EYS: variants seen among roughly 807,000 people sequenced by gnomAD.
EYS encodes the protein protein eyes shut homolog.
A neutral mutation model predicts 282.1 loss-of-function variants in EYS; 250 were observed. The ratio of observed to expected loss-of-function variants is 0.89; its 90% CI spans 0.80 to 0.98. The LOEUF (loss-of-function observed/expected upper bound fraction) is 0.98, where lower values mean the gene tolerates loss of function less well. Among genes scored for constraint, EYS ranks in the 50% least tolerant of loss-of-function variants. The pLI, the probability that EYS is intolerant of heterozygous loss-of-function variation, is 0.00. For synonymous variants in EYS, 1,355 were observed against 1,282.9 expected, an observed-to-expected ratio of 1.06 and a Z score of -1.20; for missense variants, 4,016 against 3,709.0, an observed-to-expected ratio of 1.08 and a Z score of -2.15.
intron 19 of EYS, among the ~76,000 whole-genome samples, chr6:64,856,834 A>C (rs917329083): frequency 6.6e-6 from 1 of 152,080 alleles, no homozygotes; most frequent in Admixed American, 6.6e-5. Context: ...TAAAAACTTC[A>C]TGCCAACCCT....
intron 12 of EYS, among the ~76,000 whole-genome samples, chr6:65,275,988 AAAAC>A (rs369037503): frequency 0.011 from 1,714 of 152,060 alleles, 27 homozygotes; most frequent in African/African-American, 0.032. Context: ...ATAAAAAAAC[AAAAC>A]AAACAAACAA....
intron 5 of EYS, among the ~76,000 whole-genome samples, chr6:65,470,525 G>GCAAT (rs1445616961): frequency 1.3e-5 from 2 of 151,994 alleles, no homozygotes; most frequent in Non-Finnish European, 2.9e-5. Flanking sequence ...TGCATTAAAA[G>GCAAT]CAATACTCAT....
Position 63,721,149 on chromosome 6 carries a change from C to G in EYS, c.8882G>C (p.Gly2961Ala), listed in dbSNP as rs777069512. The change falls in exon 43 of 43, where the codon GGT becomes GCT. Residue 2961 changes from glycine to alanine, a missense_variant. By Grantham distance (60) the Gly-to-Ala change is moderately conservative. Transcript: ENST00000503581. ...ATCAATGTATTTAATGTAAGAATTA[C>G]CCATAAATTTTGCAGTTGAAAATGA... ...KTSFSTAKFM[G>A]NSYIKYIDPN... 1.1e-5 allele frequency: 17 copies of G among 1,551,320 alleles called. No individual in the cohort carries two copies. Among genetic ancestry groups the G allele is most frequent in the East Asian group, 2.4e-5 (1 of 40,926 alleles).
chr6:65,186,992 T>C (rs371851153), intron 12 of EYS, among the ~76,000 whole-genome samples: 6 of 151,928 alleles, frequency 3.9e-5, no homozygotes, highest in East Asian at 1.9e-4. Flanking sequence ...TTCACTATTA[T>C]TGCCTCAAGG....
At chr6:63,947,483 T>C (rs1462897166) in intron 35 of EYS, among the ~76,000 whole-genome samples, 1 of 152,108 alleles carries the variant, frequency 6.6e-6, no homozygotes, top group Non-Finnish European at 1.5e-5. Flanking sequence ...GGATTTTGAT[T>C]GAATTATTTG....
chr6:63,764,524 G>C (rs578101479), intron 40 of EYS, among the ~76,000 whole-genome samples: 2 of 151,922 alleles, frequency 1.3e-5, no homozygotes, highest in South Asian at 2.1e-4. Context: ...AGTGACGATT[G>C]CGCCATCTAG....
At chr6:63,803,850 T>C (rs1214234149) in intron 37 of EYS, among the ~76,000 whole-genome samples, 3 of 152,032 alleles carry the variant, frequency 2.0e-5, no homozygotes, top group African/African-American at 7.2e-5. Flanking sequence ...TAAAAATAAA[T>C]AAAAGGATAC....
At chr6:65,478,982 A>T (rs1582350584) in intron 5 of EYS, among the ~76,000 whole-genome samples, 1 of 152,176 alleles carries the variant, frequency 6.6e-6, no homozygotes, top group Non-Finnish European at 1.5e-5. Flanking sequence ...TCAGAAATTT[A>T]TCCAACGAAA....
chr6:64,657,175 AC>A (rs1293796936), intron 22 of EYS, among the ~76,000 whole-genome samples: 2 of 151,956 alleles, frequency 1.3e-5, no homozygotes, highest in Non-Finnish European at 2.9e-5. Context: ...TAGGATTGCA[AC>A]CCCTGCCTTT....
chr6:65,109,440 C>T (rs2150188008), intron 12 of EYS, among the ~76,000 whole-genome samples: 1 of 151,808 alleles, frequency 6.6e-6, no homozygotes, highest in Non-Finnish European at 1.5e-5. Context: ...AACTGCAAAC[C>T]TTTTTTTACT....
chr6:63,969,101 A>C (rs910219042), intron 35 of EYS, among the ~76,000 whole-genome samples: 1 of 152,238 alleles, frequency 6.6e-6, no homozygotes, highest in South Asian at 2.1e-4. Flanking sequence ...TCAATATAGC[A>C]TCAATATATT....
chr6:65,416,402 T>C (rs915999209), intron 5 of EYS, among the ~76,000 whole-genome samples: 17 of 151,920 alleles, frequency 1.1e-4, no homozygotes, highest in African/African-American at 4.1e-4. Flanking sequence ...CAAAAAAGTC[T>C]CTATCTCTCT....
chr6:63,868,249 A>G (rs1266615833), intron 35 of EYS, among the ~76,000 whole-genome samples: 1 of 152,152 alleles, frequency 6.6e-6, no homozygotes, highest in African/African-American at 2.4e-5. Context: ...CTGCTACGGG[A>G]TATTTGATTA....
At chr6:65,592,533 A>AT (rs1398598535) in intron 2 of EYS, among the ~76,000 whole-genome samples, 1 of 152,014 alleles carries the variant, frequency 6.6e-6, no homozygotes, top group African/African-American at 2.4e-5. Context: ...ATGAGCAGGT[A>AT]TAGGATAAGT....
intron 31 of EYS, among the ~76,000 whole-genome samples, chr6:64,216,747 C>A (rs1562257641): frequency 6.6e-6 from 1 of 152,200 alleles, no homozygotes; most frequent in East Asian, 1.9e-4. Context: ...AGCATGCTTT[C>A]AGAGGCTGCT....
intron 29 of EYS, among the ~76,000 whole-genome samples, chr6:64,312,740 G>A (rs773013934): frequency 2.2e-4 from 33 of 152,302 alleles, no homozygotes; most frequent in Admixed American, 5.9e-4. Flanking sequence ...AAGGAAAACA[G>A]GATCTGGAGT....
In EYS at chr6:64,387,320, T is replaced by C. The variant is rs116425381; in HGVS notation, c.6078+1370A>G. Among the ~76,000 whole-genome samples the C allele has an allele frequency of 2.7e-3, 406 of 152,290 alleles. 2 individuals carry two copies. The highest frequency in any genetic ancestry group is 9.0e-3 in the African/African-American group (374 of 41,594). ...AGACATCTTTTTCTATTTTTCTATATTGCTTCTGCATGTTTATATTTATAA... is the reference window on the plus strand; with the variant it reads ...AGACATCTTTTTCTATTTTTCTATACTGCTTCTGCATGTTTATATTTATAA... On this transcript the variant is annotated intron_variant, in intron 29 of 42. Coordinates refer to ENST00000503581, the MANE Select transcript of EYS (RefSeq NM_001142800.2).
At chr6:64,117,558 C>A (rs944443742) in intron 31 of EYS, among the ~76,000 whole-genome samples, 24 of 150,974 alleles carry the variant, frequency 1.6e-4, no homozygotes, top group Middle Eastern at 3.4e-3. Flanking sequence ...ATTAGAAGAA[C>A]AATTACAGGA....
Position 64,837,518 on chromosome 6 carries a change from T to C in EYS, c.2993-14696A>G, listed in dbSNP as rs565771567. On this transcript the variant is annotated intron_variant, in intron 19 of 42. Transcript: ENST00000503581. The stretch of plus-strand genomic sequence containing the variant: ...GAGAAAGAAATAAAAAACATCAAAA[T>C]GAAAAAAGAGTAAGTCAAATTGTCC... Among the ~76,000 whole-genome samples, 15 of 149,998 alleles carry C rather than the reference T, an allele frequency of 1.0e-4. 1 individual carries two copies. The highest frequency in any genetic ancestry group is 2.1e-4 in the Non-Finnish European group (14 of 67,258).
Sources: gnomAD v4.1 joint callset for allele counts (sites outside exome capture counted in the v4.1 genomes callset) on GRCh38, gnomAD v4.1.1 for gene constraint, MANE v1.5 for transcripts, NCBI Gene and HGNC (gene_info 2026-07-23, HGNC 2026-07-21) for gene names.